Variants in TEAD1 observed in about 807,000 individuals in gnomAD.
TEAD1 encodes the protein transcriptional enhancer factor TEF-1.
A neutral mutation model predicts 54.9 loss-of-function variants in TEAD1; 9 were observed. That is an observed-to-expected ratio of 0.16 (90% CI 0.10 to 0.29). The LOEUF is 0.29. Among genes scored for constraint, TEAD1 ranks in the 10% least tolerant of loss-of-function variants. TEAD1 has a pLI of 1.00. For synonymous variants in TEAD1, 200 were observed against 187.8 expected (o/e 1.07, Z -0.53); for missense variants, 387 against 535.9 (o/e 0.72, Z 2.74).
intron 10 of TEAD1, among the ~76,000 whole-genome samples, chr11:12,906,867 A>G (rs536456844): frequency 9.9e-5 from 15 of 152,246 alleles, no homozygotes; most frequent in Non-Finnish European, 1.6e-4. Context: ...GTCCCATCCA[A>G]TGTATATACC....
chr11:12,834,001 T>C (rs951351723), intron 3 of TEAD1, among the ~76,000 whole-genome samples: 4 of 152,216 alleles, frequency 2.6e-5, no homozygotes, highest in Admixed American at 6.5e-5. Flanking sequence ...AATAAATGTT[T>C]ATGGAATTGA....
At chr11:12,815,083 A>G (rs959776531) in intron 3 of TEAD1, among the ~76,000 whole-genome samples, 1 of 152,188 alleles carries the variant, frequency 6.6e-6, no homozygotes, top group Non-Finnish European at 1.5e-5. Flanking sequence ...AAGCTGGCCA[A>G]CATCAAAGCC....
rs4433555 is a variant in TEAD1 at position 12,757,684 on chromosome 11, C to A, written c.-54-6495C>A. On this transcript the variant is annotated intron_variant, in intron 2 of 12. Transcript: ENST00000527636. ...GAATGTGAAAGTAGCTGAAACACTT[C>A]CTTTTCTTGTGGAAACTTTGGGTGT... Among the ~76,000 whole-genome samples, 384 of 152,314 alleles carry A rather than the reference C, an allele frequency of 2.5e-3. 1 individual carries two copies. Among genetic ancestry groups the A allele is most frequent in the African/African-American group, 8.4e-3 (348 of 41,566 alleles).
At chr11:12,690,964 TG>T (rs1435050731) in intron 2 of TEAD1, among the ~76,000 whole-genome samples, 1 of 152,192 alleles carries the variant, frequency 6.6e-6, no homozygotes, top group East Asian at 1.9e-4. Context: ...TCACTCAGGC[TG>T]GTCTGAAACT....
intron 2 of TEAD1, among the ~76,000 whole-genome samples, chr11:12,698,927 C>G (rs1943641084): frequency 6.6e-6 from 1 of 152,096 alleles, no homozygotes; most frequent in South Asian, 2.1e-4. Flanking sequence ...CTTTTTCATG[C>G]AGAAATTAGT....
intron 3 of TEAD1, among the ~76,000 whole-genome samples, chr11:12,794,967 G>A (rs1047949955): frequency 6.6e-6 from 1 of 152,210 alleles, no homozygotes; most frequent in Non-Finnish European, 1.5e-5. Flanking sequence ...ATCTCAGCAA[G>A]GGAGATGCTA....
chr11:12,770,427 TG>T (rs2133934130), intron 3 of TEAD1, among the ~76,000 whole-genome samples: 1 of 152,356 alleles, frequency 6.6e-6, no homozygotes, highest in South Asian at 2.1e-4. Context: ...CAGGAAGATG[TG>T]GATTCATAAA....
chr11:12,777,639 A>G (rs921112501), intron 3 of TEAD1, among the ~76,000 whole-genome samples: 1 of 152,222 alleles, frequency 6.6e-6, no homozygotes, highest in African/African-American at 2.4e-5. Context: ...GACATGCCAG[A>G]TGTGAGGTAT....
chr11:12,737,790 G>T lies in TEAD1; in HGVS notation c.-54-26389G>T, dbSNP rs148017752. ...ACATAAACCAAGAGTAAGGGTGGAG[G>T]TGTATATAGAGAAGCATCGTAAGGG... On this transcript the variant is annotated intron_variant, in intron 2 of 12. Coordinates refer to ENST00000527636, the MANE Select transcript of TEAD1 (RefSeq NM_021961.6). 3.7e-4 allele frequency among the ~76,000 whole-genome samples: 56 copies of T among 152,292 alleles called. 1 individual carries two copies. In the East Asian group the frequency reaches 8.7e-3, roughly 24 times the overall value.
chr11:12,803,326 G>A (rs1470710466), intron 3 of TEAD1, among the ~76,000 whole-genome samples: 1 of 152,166 alleles, frequency 6.6e-6, no homozygotes, highest in Admixed American at 6.5e-5. Context: ...AAAGGCCCTT[G>A]GATGAAGGAT....
At chr11:12,696,065 C>T (rs1049542111) in intron 2 of TEAD1, among the ~76,000 whole-genome samples, 2 of 152,182 alleles carry the variant, frequency 1.3e-5, no homozygotes, top group African/African-American at 4.8e-5. Flanking sequence ...AAGACAGTTG[C>T]TTGTTATTTG....
intron 3 of TEAD1, among the ~76,000 whole-genome samples, chr11:12,842,564 G>T (rs80121873): frequency 0.035 from 5,289 of 152,166 alleles, 342 homozygotes; most frequent in African/African-American, 0.12. Context: ...TTTCTCTGTC[G>T]TTTCTCAAGC....
intron 5 of TEAD1, among the ~76,000 whole-genome samples, chr11:12,869,179 C>CTG (rs1947687398): frequency 2.6e-5 from 4 of 152,118 alleles, no homozygotes; most frequent in African/African-American, 9.7e-5. Flanking sequence ...GGGGTTCATT[C>CTG]AAATTTACCC....
At chr11:12,851,803 G>GAA (rs796812154) in intron 3 of TEAD1, among the ~76,000 whole-genome samples, 18 of 143,244 alleles carry the variant, frequency 1.3e-4, no homozygotes, top group African/African-American at 4.0e-4. Flanking sequence ...CCAAAAAAAG[G>GAA]AAAAAAAAAA....
At chr11:12,754,314 G>GCTCTGC (rs754817899) in intron 2 of TEAD1, among the ~76,000 whole-genome samples, 6 of 152,156 alleles carry the variant, frequency 3.9e-5, no homozygotes, top group Admixed American at 1.3e-4. Context: ...GGTCACACAG[G>GCTCTGC]CTCTGCCTCT....
intron 3 of TEAD1, among the ~76,000 whole-genome samples, chr11:12,801,045 A>G (rs1330724346): frequency 6.6e-6 from 1 of 152,220 alleles, no homozygotes; most frequent in Non-Finnish European, 1.5e-5. Flanking sequence ...TGAAACGAGA[A>G]GAGTGAGATG....
chr11:12,822,379 A>G (rs1258379680), intron 3 of TEAD1: 2 of 152,066 alleles, frequency 1.3e-5, no homozygotes, highest in Admixed American at 1.3e-4. Context: ...TTTTGAAGGA[A>G]CCATTGCATA....
intron 3 of TEAD1, among the ~76,000 whole-genome samples, chr11:12,765,236 C>T (rs1202724838): frequency 6.6e-6 from 1 of 152,094 alleles, no homozygotes; most frequent in Non-Finnish European, 1.5e-5. Context: ...TTGGGCACCC[C>T]CTAACTTCCT....
chr11:12,809,253 G>C (rs1401943868), intron 3 of TEAD1, among the ~76,000 whole-genome samples: 1 of 152,176 alleles, frequency 6.6e-6, no homozygotes, highest in African/African-American at 2.4e-5. Flanking sequence ...GACCCCACCA[G>C]ATCCTGTAGG....
Sources: gnomAD v4.1 joint callset for allele counts (sites outside exome capture counted in the v4.1 genomes callset) on GRCh38, gnomAD v4.1.1 for gene constraint, MANE v1.5 for transcripts, NCBI Gene and HGNC (gene_info 2026-07-23, HGNC 2026-07-21) for gene names.